The following PCDH15 variants were observed in gnomAD, a reference collection of about 807,000 sequenced individuals.
PCDH15 encodes the protein protocadherin-15.
In PCDH15, 129 loss-of-function variants were observed where a neutral mutation model predicts 178.5. The ratio of observed to expected loss-of-function variants is 0.72; its 90% confidence interval spans 0.63 to 0.84. The LOEUF is 0.84. Among genes scored for constraint, PCDH15 ranks in the 40% least tolerant of loss-of-function variants. The pLI is 0.00. For synonymous variants in PCDH15, 800 were observed against 732.0 expected, an observed-to-expected ratio of 1.09 and a Z score of -1.50; for missense variants, 2,230 against 2,099.9, an observed-to-expected ratio of 1.06 and a Z score of -1.21.
In PCDH15 at chr10:53,822,753, G is replaced by T. The variant is rs902963615; in HGVS notation, c.4368-2523C>A. 1 of 1,614,096 alleles carries T rather than the reference G, an allele frequency of 6.2e-7. No homozygotes were observed. Among genetic ancestry groups the T allele is most frequent in the Non-Finnish European group, 8.5e-7 (1 of 1,179,974 alleles). On this transcript the variant is annotated intron_variant, in intron 32 of 37. Transcript: ENST00000644397. ...CCTGGGAAAGCAAAATGAAGAGTCT[G>T]AAGAGAGAGATTTCAACTGTTCTGT... is the stretch of plus-strand genomic sequence containing the variant.
In PCDH15 at chr10:55,362,025, A is replaced by G. The variant is rs553610085; in HGVS notation, c.-155-195374T>C. Among the ~76,000 whole-genome samples, 9 of 152,176 alleles carry G rather than the reference A, an allele frequency of 5.9e-5. No homozygotes were observed. In the South Asian group the frequency reaches 1.7e-3, roughly 28 times the overall value. On this transcript the variant is annotated intron_variant, in intron 2 of 5. Transcript: ENST00000613346. ...GAAATATATAAACAGCGGCACAGTC[A>G]TGTGATTTCTTCTGCTCACCTTAAT...
At chr10:54,682,035 A>G (rs976116804) in intron 1 of PCDH15, among the ~76,000 whole-genome samples, 1 of 152,140 alleles carries the variant, frequency 6.6e-6, no homozygotes, top group Non-Finnish European at 1.5e-5. Context: ...TTCCTTTGAA[A>G]AGTAATAGTG....
At chr10:54,972,045 A>G (rs1053901396) in intron 2 of PCDH15, among the ~76,000 whole-genome samples, 1 of 152,264 alleles carries the variant, frequency 6.6e-6, no homozygotes, top group African/African-American at 2.4e-5. Flanking sequence ...ATTCTGAGAA[A>G]TTGCTTTAGC....
chr10:53,810,519 G>A (rs375144187), intron 37 of PCDH15, 37 bp downstream of exon 37: 37 of 1,566,788 alleles, frequency 2.4e-5, no homozygotes, highest in Non-Finnish European at 3.1e-5. Context: ...TATTTTTCTT[G>A]GAATATTATC....
chr10:55,520,187 T>C (rs1247730357), intron 2 of PCDH15, among the ~76,000 whole-genome samples: 6 of 73,384 alleles, frequency 8.2e-5, no homozygotes, highest in African/African-American at 3.5e-4. Context: ...GCAATGTGTA[T>C]ATATATATAC....
chr10:55,244,293 G>A (rs1474706059), intron 1 of PCDH15, among the ~76,000 whole-genome samples: 1 of 151,328 alleles, frequency 6.6e-6, no homozygotes, highest in Non-Finnish European at 1.5e-5. Flanking sequence ...ACTTTTTTTA[G>A]TAGAGTGAAA....
At chr10:55,246,753 G>A (rs1360449964) in intron 1 of PCDH15, among the ~76,000 whole-genome samples, 1 of 152,134 alleles carries the variant, frequency 6.6e-6, no homozygotes, top group Non-Finnish European at 1.5e-5. Flanking sequence ...ACTTAGTGGA[G>A]AGGTTAAGAC....
At chr10:54,020,058 A>C (rs1808404291) in intron 20 of PCDH15, 134 bp downstream of exon 20, 1 of 721,888 alleles carries the variant, frequency 1.4e-6, no homozygotes, top group Admixed American at 2.6e-5. Flanking sequence ...CCATTGGAAA[A>C]TCTATGTTAT....
rs115687907 is a variant in PCDH15, at chr10:54,342,834, G to A, written c.594+3531C>T. Among the ~76,000 whole-genome samples, 880 of 152,278 alleles carry A rather than the reference G, an allele frequency of 5.8e-3. 6 individuals are homozygous for A. Among genetic ancestry groups the A allele is most frequent in the African/African-American group, 0.02 (817 of 41,554 alleles). Reference sequence around the variant, plus strand: ...ACATGGAGTCAAATGAGATTATTTCGAAGCTTTAAGATTTAATAACTGCCC... The same window carrying A: ...ACATGGAGTCAAATGAGATTATTTCAAAGCTTTAAGATTTAATAACTGCCC... On this transcript the variant is annotated intron_variant, in intron 6 of 37. Coordinates refer to ENST00000644397, the MANE Select transcript of PCDH15 (RefSeq NM_001384140.1).
chr10:54,252,296 T>C (rs1484060730), intron 8 of PCDH15, among the ~76,000 whole-genome samples: 1 of 152,192 alleles, frequency 6.6e-6, no homozygotes, highest in Non-Finnish European at 1.5e-5. Context: ...CAGATACTAG[T>C]AGCTGCCTGA....
intron 1 of PCDH15, among the ~76,000 whole-genome samples, chr10:54,800,134 A>G (rs751607222): frequency 6.6e-6 from 1 of 152,138 alleles, no homozygotes; most frequent in Non-Finnish European, 1.5e-5. Context: ...AAGTCCATCA[A>G]ATCGATGGCC....
chr10:54,899,589 C>T (rs1332162927), intron 2 of PCDH15, among the ~76,000 whole-genome samples: 6 of 151,828 alleles, frequency 4.0e-5, no homozygotes, highest in African/African-American at 7.3e-5. Context: ...CCCCGCCTCC[C>T]GGGTTCAAGC....
At chr10:54,193,819 C>G (rs1328429132) in intron 11 of PCDH15, among the ~76,000 whole-genome samples, 1 of 151,764 alleles carries the variant, frequency 6.6e-6, no homozygotes, top group Non-Finnish European at 1.5e-5. Flanking sequence ...TTCCATAAAC[C>G]TTGGCTTAAG....
At chr10:55,192,171 T>C (rs1353313167) in intron 1 of PCDH15, among the ~76,000 whole-genome samples, 1 of 151,914 alleles carries the variant, frequency 6.6e-6, no homozygotes, top group African/African-American at 2.4e-5. Flanking sequence ...CCACTCTGAA[T>C]ATCTAAGTTT....
intron 8 of PCDH15, among the ~76,000 whole-genome samples, chr10:54,239,061 T>C (rs1267628489): frequency 1.3e-5 from 2 of 152,116 alleles, no homozygotes; most frequent in East Asian, 1.9e-4. Context: ...TATTATAAAA[T>C]AAGTAATTTC....
chr10:54,824,132 CAA>C (rs1953089324), intron 3 of PCDH15, among the ~76,000 whole-genome samples: 1 of 152,036 alleles, frequency 6.6e-6, no homozygotes, highest in Non-Finnish European at 1.5e-5. Flanking sequence ...TCATAAAACT[CAA>C]GAGATTTTAT....
intron 2 of PCDH15, among the ~76,000 whole-genome samples, chr10:55,069,379 A>T (rs1212440680): frequency 6.9e-6 from 1 of 145,582 alleles, no homozygotes; most frequent in African/African-American, 2.5e-5. Context: ...TGCACCCATT[A>T]ACTCGTCATT....
rs2094143144 is a variant in PCDH15 at position 54,066,738 on chromosome 10, A to G, written c.2220+19T>C. On this transcript the variant is annotated intron_variant, in intron 18 of 37. Transcript: ENST00000644397. The stretch of plus-strand genomic sequence containing the variant: ...CTTTGAAAAACTACATATAAGATCT[A>G]TATAAATATTCCACTTACTTTTACT... The G allele has an allele frequency of 6.2e-7, 1 of 1,609,450 alleles. No homozygotes were observed. The highest frequency in any genetic ancestry group is 1.1e-5 in the South Asian group (1 of 90,996).
chr10:54,782,308 T>A (rs2133422014), intron 1 of PCDH15, among the ~76,000 whole-genome samples: 1 of 152,270 alleles, frequency 6.6e-6, no homozygotes, highest in East Asian at 1.9e-4. Flanking sequence ...TACACTGCTG[T>A]GGTTCACTTA....
Sources: gnomAD v4.1 joint callset for allele counts (sites outside exome capture counted in the v4.1 genomes callset) on GRCh38, gnomAD v4.1.1 for gene constraint, MANE v1.5 for transcripts, NCBI Gene and HGNC (gene_info 2026-07-23, HGNC 2026-07-21) for gene names.